PRDM10: variants seen among roughly 807,000 people sequenced by gnomAD.
PRDM10 encodes PR/SET domain 10, also known as PR domain zinc finger protein 10.
A neutral mutation model predicts 133.1 loss-of-function variants in PRDM10; 65 were observed. That is an observed-to-expected ratio of 0.49 (90% CI 0.40 to 0.60). The LOEUF (loss-of-function observed/expected upper bound fraction) is 0.60. Among genes scored for constraint, PRDM10 ranks in the 20% least tolerant of loss-of-function variants. PRDM10 has a pLI of 0.00. For missense variants in PRDM10, 1,137 were observed against 1,507.1 expected, an observed-to-expected ratio of 0.75 and a Z score of 4.07; for synonymous variants, 582 against 580.4, an observed-to-expected ratio of 1.00 and a Z score of -0.04.
chr11:129,920,638 A>G (rs1286812774), intron 13 of PRDM10, among the ~76,000 whole-genome samples: 3 of 151,710 alleles, frequency 2.0e-5, no homozygotes, highest in African/African-American at 7.3e-5. Flanking sequence ...CGAACGTGGC[A>G]TCACCACTCC....
intron 4 of PRDM10, among the ~76,000 whole-genome samples, chr11:129,953,607 C>T (rs1951635226): frequency 6.6e-6 from 1 of 151,968 alleles, no homozygotes; most frequent in African/African-American, 2.4e-5. Context: ...TAAGAGAAAA[C>T]ATATTATAAG....
At chr11:129,954,834 G>C (rs1951666422) in intron 4 of PRDM10, among the ~76,000 whole-genome samples, 1 of 151,950 alleles carries the variant, frequency 6.6e-6, no homozygotes, top group Non-Finnish European at 1.5e-5. Flanking sequence ...CACCACACCT[G>C]GCTAATTTTT....
chr11:129,913,014 C>T (rs1381271588), intron 17 of PRDM10, among the ~76,000 whole-genome samples: 1 of 149,946 alleles, frequency 6.7e-6, no homozygotes, highest in Non-Finnish European at 1.5e-5. Flanking sequence ...GAGCTGAATT[C>T]GTGCCACTGG....
At chr11:129,921,141 A>G (rs546082110) in intron 13 of PRDM10, among the ~76,000 whole-genome samples, 1 of 152,270 alleles carries the variant, frequency 6.6e-6, no homozygotes, top group African/African-American at 2.4e-5. Context: ...CTGAAGTTGG[A>G]AGGTCCCACC....
At chr11:129,959,548 A>G (rs936759935) in intron 2 of PRDM10, among the ~76,000 whole-genome samples, 1 of 152,134 alleles carries the variant, frequency 6.6e-6, no homozygotes, top group Non-Finnish European at 1.5e-5. Flanking sequence ...GACCTTGGCT[A>G]TCTACTATCT....
At chr11:129,987,835 C>T (rs2135985279) in intron 1 of PRDM10, among the ~76,000 whole-genome samples, 1 of 152,238 alleles carries the variant, frequency 6.6e-6, no homozygotes, top group South Asian at 2.1e-4. Context: ...CTCGTCTCTA[C>T]TAAAAAACAC....
chr11:129,986,226 G>T (rs1938435092), intron 1 of PRDM10, among the ~76,000 whole-genome samples: 1 of 150,646 alleles, frequency 6.6e-6, no homozygotes, highest in East Asian at 1.9e-4. Flanking sequence ...TGTGGCTTAG[G>T]ATGGCAACAA....
At position 129,993,493 on chromosome 11, in the gene PRDM10, CT is replaced by C. The variant is rs562076430; in HGVS notation, c.-119+9228del. On this transcript the variant is annotated intron_variant, in intron 1 of 20. Coordinates refer to ENST00000360871, the MANE Select transcript of PRDM10 (RefSeq NM_199437.2). The stretch of plus-strand genomic sequence containing the variant: ...CTACCCAGTGCCAATATTACACTAT[CT>C]TTTTTTTTGAGATGGAATCTCGTTG... 6.8e-4 allele frequency among the ~76,000 whole-genome samples: 103 copies of C among 151,306 alleles called. 3 individuals are homozygous for C. The South Asian group carries it at 0.021, about 31-fold the overall frequency.
chr11:129,973,272 A>G (rs956995746), intron 1 of PRDM10, among the ~76,000 whole-genome samples: 1 of 152,232 alleles, frequency 6.6e-6, no homozygotes, highest in Non-Finnish European at 1.5e-5. Flanking sequence ...ATGTCTGTTA[A>G]CAGTTCTATG....
chr11:129,971,998 C>T (rs142423429), intron 1 of PRDM10, among the ~76,000 whole-genome samples: 1 of 152,330 alleles, frequency 6.6e-6, no homozygotes, highest in African/African-American at 2.4e-5. Flanking sequence ...AGCTAAGGCC[C>T]GGTGAGAAAT....
At chr11:129,951,342 G>A (rs923180116) in intron 4 of PRDM10, among the ~76,000 whole-genome samples, 2 of 152,284 alleles carry the variant, frequency 1.3e-5, no homozygotes, top group Non-Finnish European at 1.5e-5. Context: ...GTCTATTCAA[G>A]GAGGGCAGCA....
chr11:129,997,197 G>A (rs948470790), intron 1 of PRDM10, among the ~76,000 whole-genome samples: 4 of 152,298 alleles, frequency 2.6e-5, no homozygotes, highest in Middle Eastern at 3.4e-3. Context: ...CAGTTCTCCC[G>A]ACTGGGTGCA....
intron 1 of PRDM10, among the ~76,000 whole-genome samples, chr11:129,988,600 G>GAA (rs201859791): frequency 4.3e-5 from 6 of 138,148 alleles, no homozygotes; most frequent in Non-Finnish European, 6.4e-5. Context: ...GCTGTTCTTA[G>GAA]AAAAAAAAAA....
At chr11:129,905,073 G>A (rs1009700346) in intron 20 of PRDM10, among the ~76,000 whole-genome samples, 22 of 152,050 alleles carry the variant, frequency 1.4e-4, no homozygotes, top group African/African-American at 3.6e-4. Flanking sequence ...ATATAAAAAC[G>A]CTCATAAGGG....
intron 1 of PRDM10, among the ~76,000 whole-genome samples, chr11:130,001,807 C>T (rs958530117): frequency 5.9e-5 from 9 of 152,094 alleles, no homozygotes; most frequent in Non-Finnish European, 1.2e-4. Context: ...GAGCGCCGAC[C>T]GGCCTCGCCC....
At position 129,942,595 on chromosome 11, in the gene PRDM10, T is replaced by A. The variant is rs201924719; in HGVS notation, c.797A>T (p.Asp266Val). Reference protein sequence around the residue: ...SLDKGDRKERDLHEDLWFELS... With the variant: ...SLDKGDRKERVLHEDLWFELS... ...CTCAAACCATAGGTCTTCATGTAAA[T>A]CCCTTTCTTTCCTGTCCCCTTTATC... Residue 266 changes from aspartate to valine, a missense_variant, in exon 7 of 21, where the codon GAT (aspartate) becomes GTT (valine). Coordinates refer to ENST00000360871, the MANE Select transcript of PRDM10 (RefSeq NM_199437.2). The A allele has an allele frequency of 4.0e-5, 64 of 1,613,964 alleles. No individual in the cohort carries two copies. In the East Asian group the frequency reaches 1.4e-3, roughly 35 times the overall value.
chr11:129,932,092 C>A lies in PRDM10; in HGVS notation c.1287+10G>T. ...GCACCTAAGGAGGGCTCCTTCCCGT[C>A]CCCCCGTACCTGTGTCCCATCGTCA... On this transcript the variant is annotated intron_variant, in intron 10 of 20. Coordinates refer to ENST00000360871, the MANE Select transcript of PRDM10 (RefSeq NM_199437.2). 6.2e-7 allele frequency: 1 copy of A among 1,610,416 alleles called. No homozygotes were observed. The highest frequency in any genetic ancestry group is 8.5e-7 in the Non-Finnish European group (1 of 1,177,458).
At chr11:129,961,672 G>A (rs1951798359) in intron 1 of PRDM10, among the ~76,000 whole-genome samples, 1 of 152,008 alleles carries the variant, frequency 6.6e-6, no homozygotes, top group African/African-American at 2.4e-5. Flanking sequence ...GACCAGCCTG[G>A]TTAACACGGT....
At chr11:129,919,206 A>G (rs369359229) in intron 13 of PRDM10, among the ~76,000 whole-genome samples, 18 of 152,274 alleles carry the variant, frequency 1.2e-4, no homozygotes, top group East Asian at 7.7e-4. Flanking sequence ...CCCTGTCTCT[A>G]TGAAAAATAT....
Sources: allele counts gnomAD v4.1 joint callset (sites outside exome capture counted in the v4.1 genomes callset), GRCh38; gene constraint gnomAD v4.1.1; transcripts MANE v1.5; gene names NCBI Gene and HGNC (gene_info 2026-07-23, HGNC 2026-07-21).